WIPF3: variants seen among roughly 807,000 people sequenced by gnomAD.
The protein encoded by WIPF3 is WAS/WASL interacting protein family member 3.
Under a neutral mutation model 38.9 loss-of-function variants are expected in WIPF3, and 33 were observed. The ratio of observed to expected loss-of-function variants is 0.85; its 90% CI spans 0.64 to 1.14. The LOEUF is 1.14. WIPF3 is among the 50% of genes most tolerant of loss of function. The pLI is 0.00. For missense variants in WIPF3, 711 were observed against 652.5 expected, an observed-to-expected ratio of 1.09 and a Z score of -0.98; for synonymous variants, 324 against 269.3, an observed-to-expected ratio of 1.20 and a Z score of -1.99.
chr7:29,826,920 A>G (rs1011290646), intron 1 of WIPF3, among the ~76,000 whole-genome samples: 11 of 152,300 alleles, frequency 7.2e-5, no homozygotes, highest in African/African-American at 2.4e-4. Flanking sequence ...ACACTGTGTG[A>G]CCTTGGGCAA....
intron 4 of WIPF3, among the ~76,000 whole-genome samples, chr7:29,882,310 A>G (rs1562784983): frequency 6.6e-6 from 1 of 152,212 alleles, no homozygotes; most frequent in Non-Finnish European, 1.5e-5. Context: ...GCATGTAGGT[A>G]GGCTCTGCCT....
At chr7:29,849,915 A>T (rs745779713) in intron 2 of WIPF3, among the ~76,000 whole-genome samples, 3 of 152,204 alleles carry the variant, frequency 2.0e-5, no homozygotes, top group African/African-American at 4.8e-5. Flanking sequence ...GTGGTGGAAT[A>T]GTTATTTAAG....
At chr7:29,908,349 A>T (rs925392489) in intron 8 of WIPF3, among the ~76,000 whole-genome samples, 1 of 152,256 alleles carries the variant, frequency 6.6e-6, no homozygotes, top group Non-Finnish European at 1.5e-5. Flanking sequence ...ATCAAAATGC[A>T]TGAAGCAAAA....
intron 1 of WIPF3, among the ~76,000 whole-genome samples, chr7:29,827,125 C>T (rs770054238): frequency 1.1e-4 from 17 of 152,168 alleles, no homozygotes; most frequent in Non-Finnish European, 1.8e-4. Context: ...AATACATGCT[C>T]AGTGATTTTT....
At chr7:29,910,772 A>G (rs1302297150) in intron 8 of WIPF3, among the ~76,000 whole-genome samples, 2 of 152,308 alleles carry the variant, frequency 1.3e-5, no homozygotes, top group African/African-American at 4.8e-5. Context: ...AACTCCCTTA[A>G]CATAATAAAA....
At chr7:29,862,929 C>G (rs1785320746) in intron 2 of WIPF3, among the ~76,000 whole-genome samples, 1 of 152,132 alleles carries the variant, frequency 6.6e-6, no homozygotes, top group South Asian at 2.1e-4. Context: ...TGCTTTTGGT[C>G]AGCTTTTGAC....
chr7:29,866,765 C>A (rs1010898900), intron 2 of WIPF3, among the ~76,000 whole-genome samples: 3 of 152,208 alleles, frequency 2.0e-5, no homozygotes, highest in African/African-American at 7.2e-5. Context: ...CCTTTCCTGC[C>A]CACTCCTTCC....
At chr7:29,828,475 C>T (rs960987122) in intron 1 of WIPF3, among the ~76,000 whole-genome samples, 28 of 152,278 alleles carry the variant, frequency 1.8e-4, no homozygotes, top group African/African-American at 4.6e-4. Context: ...GACCTGCAGA[C>T]GTGTTCTGTG....
intron 2 of WIPF3, among the ~76,000 whole-genome samples, chr7:29,836,025 C>G (rs1374552061): frequency 6.6e-6 from 1 of 152,198 alleles, no homozygotes; most frequent in Non-Finnish European, 1.5e-5. Flanking sequence ...GGACACTGAC[C>G]CTATCTGAGG....
chr7:29,828,102 A>G (rs2128064147), intron 1 of WIPF3, among the ~76,000 whole-genome samples: 1 of 152,284 alleles, frequency 6.6e-6, no homozygotes, highest in Non-Finnish European at 1.5e-5. Flanking sequence ...CCCAGCCCAC[A>G]TGCTTTTGTC....
intron 1 of WIPF3, among the ~76,000 whole-genome samples, chr7:29,828,140 A>G (rs1225068249): frequency 6.6e-6 from 1 of 152,146 alleles, no homozygotes; most frequent in Non-Finnish European, 1.5e-5. Context: ...TTTCTTGCTT[A>G]TATTTAAAAA....
At chr7:29,908,771 G>A (rs149353940) in intron 8 of WIPF3, among the ~76,000 whole-genome samples, 3,179 of 152,116 alleles carry the variant, frequency 0.021, 54 homozygotes, top group Non-Finnish European at 0.032. Flanking sequence ...ACCCGGGCAT[G>A]GTGGTGGGCA....
intron 7 of WIPF3, among the ~76,000 whole-genome samples, chr7:29,896,961 T>C (rs993420558): frequency 6.6e-6 from 1 of 152,186 alleles, no homozygotes; most frequent in Non-Finnish European, 1.5e-5. Flanking sequence ...ATAATTGTGG[T>C]TATATCCCAA....
intron 7 of WIPF3, among the ~76,000 whole-genome samples, chr7:29,890,633 G>A (rs879409615): frequency 8.5e-5 from 13 of 152,234 alleles, no homozygotes; most frequent in Non-Finnish European, 1.6e-4. Context: ...AGTCCTTTCT[G>A]CAGAACTCAA....
At chr7:29,810,379 G>A (rs1407475056) in intron 1 of WIPF3, among the ~76,000 whole-genome samples, 1 of 152,134 alleles carries the variant, frequency 6.6e-6, no homozygotes, top group Non-Finnish European at 1.5e-5. Flanking sequence ...TCCCAGCATA[G>A]CACCTGCCCC....
At chr7:29,874,974 C>T (rs573613871) in intron 2 of WIPF3, among the ~76,000 whole-genome samples, 2 of 152,280 alleles carry the variant, frequency 1.3e-5, no homozygotes, top group Admixed American at 6.5e-5. Flanking sequence ...GGGTTTGAAC[C>T]CCAGCCCTGT....
In WIPF3 at chr7:29,813,924, A is replaced by T. The variant is rs1259607690; in HGVS notation, c.-58+7246A>T. ...AATATGTGGCCTTTTTGGTAAGAGA[A>T]TTTTTTTTTTTTTTGAGACAGGGTT... On this transcript the variant is annotated intron_variant, in intron 1 of 8. Transcript: ENST00000242140. 4.1e-5 allele frequency among the ~76,000 whole-genome samples: 6 copies of T among 147,624 alleles called. No homozygotes were observed. The South Asian group carries it at 8.6e-4, about 21-fold the overall frequency.
At chr7:29,822,855 A>T (rs1291258388) in intron 1 of WIPF3, among the ~76,000 whole-genome samples, 1 of 152,232 alleles carries the variant, frequency 6.6e-6, no homozygotes, top group Non-Finnish European at 1.5e-5. Flanking sequence ...TTAAAACCGG[A>T]AGACCTTCTT....
At chr7:29,836,824 A>G (rs1221730149) in intron 2 of WIPF3, among the ~76,000 whole-genome samples, 1 of 151,844 alleles carries the variant, frequency 6.6e-6, no homozygotes, top group Non-Finnish European at 1.5e-5. Flanking sequence ...CCCCATCTCT[A>G]CTAAAAAATA....
Sources: allele counts gnomAD v4.1 joint callset (sites outside exome capture counted in the v4.1 genomes callset), GRCh38; gene constraint gnomAD v4.1.1; transcripts MANE v1.5; gene names NCBI Gene and HGNC (gene_info 2026-07-23, HGNC 2026-07-21).